PDE6B: variants seen among roughly 807,000 people sequenced by gnomAD.
PDE6B encodes the protein rod cGMP-specific 3',5'-cyclic phosphodiesterase subunit beta.
PDE6B carries 106 observed loss-of-function variants against 109.0 expected under a neutral mutation model. That is an observed-to-expected ratio of 0.97 (90% CI 0.83 to 1.14). The LOEUF is 1.14. PDE6B is among the 50% of genes most tolerant of loss of function. The pLI, the probability that PDE6B is intolerant of heterozygous loss-of-function variation, is 0.00. For missense variants in PDE6B, 1,193 were observed against 1,155.6 expected (o/e 1.03, Z -0.47); for synonymous variants, 490 against 471.3 (o/e 1.04, Z -0.51).
intron 3 of PDE6B, among the ~76,000 whole-genome samples, chr4:642,725 C>CAAAAAAAAAAAAAAAAAAAAAAAAAA (rs71636506): frequency 6.9e-5 from 3 of 43,334 alleles, no homozygotes; most frequent in African/African-American, 2.8e-4. Context: ...GACACTGTCT[C>CAAAAAAAAAAAAAAAAAAAAAAAAAA]AAAAAAAAAA....
intron 3 of PDE6B, among the ~76,000 whole-genome samples, chr4:649,087 G>A (rs912725498): frequency 6.6e-6 from 1 of 152,212 alleles, no homozygotes; most frequent in African/African-American, 2.4e-5. Context: ...GGAGCTGTGG[G>A]GAGATCCACG....
At chr4:635,377 G>A (rs973010357) in intron 2 of PDE6B, among the ~76,000 whole-genome samples, 9 of 119,092 alleles carry the variant, frequency 7.6e-5, no homozygotes, top group East Asian at 2.5e-4. Flanking sequence ...TCTGTGCCAC[G>A]CGTCTGCCTC....
At chr4:657,646 G>A (rs1736466081) in intron 10 of PDE6B, 152 bp downstream of exon 10, 1 of 756,038 alleles carries the variant, frequency 1.3e-6, no homozygotes, top group Non-Finnish European at 2.2e-6. Context: ...GGTGGGGGCA[G>A]GTCGTCCAGG....
chr4:666,494 T>C lies in PDE6B; in HGVS notation c.2269-37T>C. The C allele has an allele frequency of 6.8e-7, 1 of 1,460,808 alleles. No homozygotes were observed. Among genetic ancestry groups the C allele is most frequent in the Non-Finnish European group, 9.6e-7 (1 of 1,041,212 alleles). The allele number at this position is 1,460,808 out of a possible 1,614,324, so 90.5% of individuals were successfully genotyped here. ...GGCGGGGCCCCAGGAGCTGCCTCCC[T>C]GGTCACTGTTCTCCCGCCCTCTGTT... On this transcript the variant is annotated intron_variant, in intron 19 of 21. Coordinates refer to ENST00000496514, the MANE Select transcript of PDE6B (RefSeq NM_000283.4). The surrounding 1 kb of genome is among the most constrained non-coding windows in gnomAD (Gnocchi z 5.6).
chr4:658,500 C>G (rs1736645363), intron 10 of PDE6B, among the ~76,000 whole-genome samples: 1 of 151,946 alleles, frequency 6.6e-6, no homozygotes, highest in Admixed American at 6.6e-5. Flanking sequence ...ACCCAGGGGT[C>G]ACGGCTCCCT....
At chr4:669,894 C>T in intron 21 of PDE6B, 152 bp from the exon 22 acceptor site, 1 of 727,216 alleles carries the variant, frequency 1.4e-6, no homozygotes. Flanking sequence ...CTAAGAAAGG[C>T]TCAGCCCAGC....
chr4:667,791 G>A, intron 20 of PDE6B, 65 bp from the exon 21 acceptor site: 2 of 1,539,774 alleles, frequency 1.3e-6, no homozygotes. Flanking sequence ...AGCTGGGGAA[G>A]GGCTATCTTA....
intron 3 of PDE6B, among the ~76,000 whole-genome samples, chr4:651,167 G>C (rs1390865633): frequency 6.6e-6 from 1 of 150,966 alleles, no homozygotes; most frequent in Non-Finnish European, 1.5e-5. Context: ...AGGCGCCGAT[G>C]TCAACAGCAG....
At position 662,952 on chromosome 4, in the gene PDE6B, A is replaced by G. The variant is rs1737286622; in HGVS notation, c.1833-148A>G. ...CAGGAGGTCAAGGCTGTATTGAGCCATGATTGCACCACTGCACTCCAGAGT... is the reference window on the plus strand; with the variant it reads ...CAGGAGGTCAAGGCTGTATTGAGCCGTGATTGCACCACTGCACTCCAGAGT... On this transcript the variant is annotated intron_variant, in intron 14 of 21. Coordinates refer to ENST00000496514, the MANE Select transcript of PDE6B (RefSeq NM_000283.4). The surrounding 1 kb of genome is among the most constrained non-coding windows in gnomAD (Gnocchi z 4.3). The G allele has an allele frequency of 2.9e-6, 2 of 686,470 alleles. No homozygotes were observed. The highest frequency in any genetic ancestry group is 4.2e-5 in the Admixed American group (2 of 48,100). The allele number at this position is 686,470 out of a possible 1,614,324, so 42.5% of individuals were successfully genotyped here.
rs754876074 is a variant in PDE6B at position 664,838 on chromosome 4, C to A, written c.2130-43C>A. 2.8e-5 allele frequency: 43 copies of A among 1,510,936 alleles called. No individual in the cohort carries two copies. The Admixed American group carries it at 7.0e-4, about 25-fold the overall frequency. 93.6% of individuals were successfully genotyped at this position (1,510,936 alleles called of 1,614,324 possible). ...AAAACACATATAAACCACCTGCCCT[C>A]AGGAGACGCCCATCAGCACTCGTGC... On this transcript the variant is annotated intron_variant, in intron 17 of 21. Transcript: ENST00000496514.
chr4:658,296 A>G (rs1348750097), intron 10 of PDE6B, among the ~76,000 whole-genome samples: 48 of 95,308 alleles, frequency 5.0e-4, no homozygotes, highest in Admixed American at 4.2e-3. Flanking sequence ...CAGGTCGTCC[A>G]GGGGTCACAG....
Position 626,483 on chromosome 4 carries a change from T to C in PDE6B, c.468+389T>C, listed in dbSNP as rs1285853638. 6.6e-6 allele frequency among the ~76,000 whole-genome samples: 1 copy of C among 152,232 alleles called. No homozygotes were observed. Among genetic ancestry groups the C allele is most frequent in the African/African-American group, 2.4e-5 (1 of 41,466 alleles). ...TGACCAGATGGGGGCTTCAGGGCTC[T>C]CTGGGCTGGGAGGGAGGCCCTGCCT... On this transcript the variant is annotated intron_variant, in intron 1 of 21. Coordinates refer to ENST00000496514, the MANE Select transcript of PDE6B (RefSeq NM_000283.4). This position sits in a 1 kb window ranked among gnomAD's most constrained non-coding sequence, Gnocchi z 4.6.
chr4:658,498 G>T (rs1284114646), intron 10 of PDE6B, among the ~76,000 whole-genome samples: 1 of 151,940 alleles, frequency 6.6e-6, no homozygotes, highest in African/African-American at 2.4e-5. Context: ...TCACCCAGGG[G>T]TCACGGCTCC....
At chr4:642,485 A>G (rs1734992192) in intron 3 of PDE6B, among the ~76,000 whole-genome samples, 1 of 151,122 alleles carries the variant, frequency 6.6e-6, no homozygotes, top group Non-Finnish European at 1.5e-5. Context: ...GAAAAAAAAC[A>G]AAACTAAACT....
chr4:640,614 C>T (rs1264408616), intron 3 of PDE6B, among the ~76,000 whole-genome samples: 1 of 152,150 alleles, frequency 6.6e-6, no homozygotes, highest in Non-Finnish European at 1.5e-5. Flanking sequence ...AAACTCATCA[C>T]TAAACCCAAG....
At chr4:630,032 G>C (rs563571306) in intron 1 of PDE6B, among the ~76,000 whole-genome samples, 1 of 152,264 alleles carries the variant, frequency 6.6e-6, no homozygotes, top group South Asian at 2.1e-4. Flanking sequence ...GGACAGTGGA[G>C]AGGAAGAGAC....
Position 654,817 on chromosome 4 carries a change from T to G in PDE6B, c.928-7T>G. 1 of 1,493,820 alleles carries G rather than the reference T, an allele frequency of 6.7e-7. No individual in the cohort carries two copies. The highest frequency in any genetic ancestry group is 9.3e-7 in the Non-Finnish European group (1 of 1,070,184). The allele number at this position is 1,493,820 out of a possible 1,614,324, so 92.5% of individuals were successfully genotyped here. Reference sequence around the variant, plus strand: ...CAGCCCCCCGACCAGTGTCTTCTGCTTCTCAGGAAATTGTCTTCTACAAAG... The same window carrying G: ...CAGCCCCCCGACCAGTGTCTTCTGCGTCTCAGGAAATTGTCTTCTACAAAG... On this transcript the variant is annotated splice_polypyrimidine_tract_variant and splice_region_variant and intron_variant, in intron 5 of 21. Transcript: ENST00000496514.
Position 626,040 on chromosome 4 carries a change from CGTGGG to C in PDE6B, c.415_419del (p.Val139ProfsTer25). The C allele has an allele frequency of 5.0e-6, 8 of 1,594,694 alleles. No homozygotes were observed. The highest frequency in any genetic ancestry group is 6.8e-6 in the Non-Finnish European group (8 of 1,171,590). On this transcript the variant is annotated frameshift_variant, in exon 1 of 22. Transcript: ENST00000496514. LOFTEE classifies it high-confidence loss of function. The surrounding 1 kb of genome is among the most constrained non-coding windows in gnomAD (Gnocchi z 4.6). ...TCGTCTTCCCACTGGACATCGGGGT[CGTGGG>C]CCACGTGGCTCAGACCAAAAAGATG...
chr4:646,948 C>G (rs1195277459), intron 3 of PDE6B, among the ~76,000 whole-genome samples: 2 of 151,764 alleles, frequency 1.3e-5, no homozygotes, highest in Non-Finnish European at 2.9e-5. Flanking sequence ...GCCGCCGCTT[C>G]CTGGGTTCCA....
Sources: allele counts gnomAD v4.1 joint callset (sites outside exome capture counted in the v4.1 genomes callset), GRCh38; gene constraint gnomAD v4.1.1; non-coding constraint Gnocchi (gnomAD v3.1); transcripts MANE v1.5; gene names NCBI Gene and HGNC (gene_info 2026-07-23, HGNC 2026-07-21).